Variants in PDE3A observed in about 807,000 individuals in gnomAD.
PDE3A encodes the protein cGMP-inhibited 3',5'-cyclic phosphodiesterase 3A.
Under a neutral mutation model 98.3 loss-of-function variants are expected in PDE3A, and 43 were observed. The ratio of observed to expected loss-of-function variants is 0.44; its 90% confidence interval spans 0.34 to 0.56. The LOEUF is 0.56. Ranked by LOEUF, PDE3A falls within the 20% of genes least tolerant of loss-of-function variation. PDE3A has a pLI of 0.01. For synonymous variants in PDE3A, 663 were observed against 567.9 expected, an observed-to-expected ratio of 1.17 and a Z score of -2.38; for missense variants, 1,427 against 1,440.7, an observed-to-expected ratio of 0.99 and a Z score of 0.15.
chr12:20,582,235 C>G (rs1565438028), intron 2 of PDE3A, among the ~76,000 whole-genome samples: 1 of 151,934 alleles, frequency 6.6e-6, no homozygotes, highest in African/African-American at 2.4e-5. Context: ...ACTCTGTCAC[C>G]CTGGCTAGAG....
At chr12:20,615,016 C>CTTTTTTTTT (rs11313010) in intron 3 of PDE3A, among the ~76,000 whole-genome samples, 3 of 59,122 alleles carry the variant, frequency 5.1e-5, no homozygotes, top group Admixed American at 2.6e-4. Flanking sequence ...TTCTCTCTTT[C>CTTTTTTTTT]TTTTTTTTTT....
At chr12:20,490,576 G>T (rs1945810034) in intron 1 of PDE3A, among the ~76,000 whole-genome samples, 1 of 152,130 alleles carries the variant, frequency 6.6e-6, no homozygotes, top group Non-Finnish European at 1.5e-5. Flanking sequence ...TTAGACTCCA[G>T]TCCCCTATAA....
intron 1 of PDE3A, among the ~76,000 whole-genome samples, chr12:20,494,137 G>C (rs540248052): frequency 6.8e-4 from 104 of 152,334 alleles, no homozygotes; most frequent in African/African-American, 2.4e-3. Flanking sequence ...TCTAGATTAA[G>C]TTGTCTTCAG....
intron 1 of PDE3A, among the ~76,000 whole-genome samples, chr12:20,435,650 T>G (rs927899926): frequency 6.6e-6 from 1 of 152,178 alleles, no homozygotes; most frequent in African/African-American, 2.4e-5. Context: ...CGTAAGTCGC[T>G]TACCTTGACC....
At chr12:20,455,712 AC>A (rs1755078961) in intron 1 of PDE3A, among the ~76,000 whole-genome samples, 1 of 152,152 alleles carries the variant, frequency 6.6e-6, no homozygotes, top group Admixed American at 6.6e-5. Flanking sequence ...AAACAGATAA[AC>A]ATCATATTAA....
chr12:20,594,137 A>AT (rs1592091519), intron 2 of PDE3A, among the ~76,000 whole-genome samples: 1 of 152,190 alleles, frequency 6.6e-6, no homozygotes, highest in African/African-American at 2.4e-5. Flanking sequence ...ATAGATTATA[A>AT]TTTTTTAAAA....
intron 1 of PDE3A, among the ~76,000 whole-genome samples, chr12:20,526,249 A>T (rs1367001660): frequency 6.6e-6 from 1 of 152,078 alleles, no homozygotes; most frequent in African/African-American, 2.4e-5. Flanking sequence ...CTCTATTGAT[A>T]TTATTTTCAA....
At chr12:20,608,364 TTAA>T (rs1430192779) in intron 2 of PDE3A, among the ~76,000 whole-genome samples, 3 of 132,212 alleles carry the variant, frequency 2.3e-5, no homozygotes, top group Non-Finnish European at 3.3e-5. Flanking sequence ...AGGACCTGAC[TTAA>T]TGATACTAAG....
chr12:20,603,069 A>G (rs1943629971), intron 2 of PDE3A, among the ~76,000 whole-genome samples: 1 of 152,190 alleles, frequency 6.6e-6, no homozygotes, highest in Non-Finnish European at 1.5e-5. Context: ...ATGGAGTGGC[A>G]CGTAGTGCTA....
chr12:20,407,795 A>G (rs1348427890), intron 1 of PDE3A, among the ~76,000 whole-genome samples: 1 of 152,166 alleles, frequency 6.6e-6, no homozygotes, highest in Non-Finnish European at 1.5e-5. Flanking sequence ...AGCATATTAC[A>G]TATCTATATT....
At chr12:20,417,091 AT>A (rs1474834271) in intron 1 of PDE3A, among the ~76,000 whole-genome samples, 1 of 152,176 alleles carries the variant, frequency 6.6e-6, no homozygotes, top group African/African-American at 2.4e-5. Flanking sequence ...TGCAACTAGA[AT>A]TCATGCTATA....
At chr12:20,453,173 CTTTT>C (rs55780939) in intron 1 of PDE3A, among the ~76,000 whole-genome samples, 1 of 124,618 alleles carries the variant, frequency 8.0e-6, no homozygotes, top group Non-Finnish European at 1.6e-5. Context: ...CTTGATAATG[CTTTT>C]TTTTTTTTTT....
intron 7 of PDE3A, among the ~76,000 whole-genome samples, chr12:20,634,504 A>C (rs1271431299): frequency 6.6e-6 from 1 of 152,180 alleles, no homozygotes; most frequent in East Asian, 1.9e-4. Flanking sequence ...CTACACAGAG[A>C]ACTTTATTCC....
intron 2 of PDE3A, among the ~76,000 whole-genome samples, chr12:20,598,882 GT>G (rs1943526376): frequency 6.6e-6 from 1 of 152,098 alleles, no homozygotes; most frequent in Non-Finnish European, 1.5e-5. Context: ...TGTTTCCCAT[GT>G]TTATTGTTGT....
At chr12:20,667,743 C>A (rs1396034529) in intron 15 of PDE3A, among the ~76,000 whole-genome samples, 1 of 152,142 alleles carries the variant, frequency 6.6e-6, no homozygotes, top group African/African-American at 2.4e-5. Context: ...ATTGCTTTGG[C>A]TACTCAAGCT....
At chr12:20,620,793 A>G (rs1944113989) in intron 4 of PDE3A, among the ~76,000 whole-genome samples, 1 of 148,054 alleles carries the variant, frequency 6.8e-6, no homozygotes, top group African/African-American at 2.5e-5. Context: ...TGACTAGATC[A>G]TTTCCGTCAC....
chr12:20,620,666 A>G (rs1944110491), intron 4 of PDE3A, among the ~76,000 whole-genome samples: 1 of 152,040 alleles, frequency 6.6e-6, no homozygotes, highest in Non-Finnish European at 1.5e-5. Flanking sequence ...TGGTAAAAGC[A>G]TTTGCTAGAG....
intron 1 of PDE3A, among the ~76,000 whole-genome samples, chr12:20,390,952 C>A (rs1429089184): frequency 6.6e-6 from 1 of 151,854 alleles, no homozygotes; most frequent in Non-Finnish European, 1.5e-5. Context: ...GGGCAGATGA[C>A]TTTTTACTCT....
At chr12:20,491,178 T>G (rs754633162) in intron 1 of PDE3A, among the ~76,000 whole-genome samples, 2 of 152,218 alleles carry the variant, frequency 1.3e-5, no homozygotes, top group Non-Finnish European at 2.9e-5. Flanking sequence ...AAATGGCATC[T>G]TTGCCGATTC....
Sources: allele counts gnomAD v4.1 joint callset (sites outside exome capture counted in the v4.1 genomes callset), GRCh38; gene constraint gnomAD v4.1.1; transcripts MANE v1.5; gene names NCBI Gene and HGNC (gene_info 2026-07-23, HGNC 2026-07-21).